Variants in PHF24 observed in about 807,000 individuals in gnomAD.
The protein encoded by PHF24 is PHD finger protein 24, also known as Galpha inhibitory interacting protein.
A neutral mutation model predicts 42.6 loss-of-function variants in PHF24; 25 were observed. The ratio of observed to expected loss-of-function variants is 0.59; its 90% CI spans 0.43 to 0.82. The LOEUF (loss-of-function observed/expected upper bound fraction) is 0.82, where lower values mean the gene tolerates loss of function less well. PHF24 is among the 40% of genes least tolerant of loss of function. The pLI, the probability that PHF24 is intolerant of heterozygous loss-of-function variation, is 0.00. For missense variants in PHF24, 470 were observed against 538.1 expected (o/e 0.87, Z 1.25); for synonymous variants, 185 against 204.8 (o/e 0.90, Z 0.83).
intron 3 of PHF24, among the ~76,000 whole-genome samples, chr9:34,973,711 T>A (rs1827088584): frequency 6.6e-6 from 1 of 152,188 alleles, no homozygotes; most frequent in South Asian, 2.1e-4. Context: ...GAAACACCTG[T>A]CCCCATGGAG....
chr9:34,860,229 T>C, the PHF24 span, among the ~76,000 whole-genome samples: 1 of 152,244 alleles, frequency 6.6e-6, no homozygotes, highest in Non-Finnish European at 1.5e-5. Context: ...GATTGATGTC[T>C]AATATCTTAA....
At chr9:34,831,647 G>T in the PHF24 span, among the ~76,000 whole-genome samples, 1 of 152,172 alleles carries the variant, frequency 6.6e-6, no homozygotes, top group East Asian at 1.9e-4. Flanking sequence ...CTCATGTCCT[G>T]GTCAGGCATG....
the PHF24 span, among the ~76,000 whole-genome samples, chr9:34,874,956 CAATCT>C: frequency 2.0e-5 from 3 of 152,090 alleles, no homozygotes; most frequent in Non-Finnish European, 2.9e-5. Context: ...GGGTTACAAA[CAATCT>C]AATCTAATTA....
the PHF24 span, among the ~76,000 whole-genome samples, chr9:34,913,846 C>G: frequency 6.6e-6 from 1 of 152,098 alleles, no homozygotes; most frequent in Non-Finnish European, 1.5e-5. Context: ...AGTCCAGGGT[C>G]TCTCTGCATT....
chr9:34,965,288 G>A (rs988197301), intron 1 of PHF24, among the ~76,000 whole-genome samples: 12 of 152,176 alleles, frequency 7.9e-5, no homozygotes, highest in African/African-American at 2.2e-4. Context: ...TTTTAGACTC[G>A]CTTTTAAAGC....
the PHF24 span, among the ~76,000 whole-genome samples, chr9:34,849,048 A>G: frequency 3.9e-5 from 6 of 152,250 alleles, no homozygotes; most frequent in South Asian, 1.0e-3. Context: ...GAATAGGTGC[A>G]GTGTGATGCT....
chr9:34,978,367 G>A (rs932671784), exon 8 of PHF24: 5 of 512,008 alleles, frequency 9.8e-6, no homozygotes, highest in African/African-American at 3.8e-5. Context: ...CATCATAGAC[G>A]GGACCTGCCA....
At chr9:34,892,469 C>T in the PHF24 span, among the ~76,000 whole-genome samples, 1 of 152,344 alleles carries the variant, frequency 6.6e-6, no homozygotes, top group East Asian at 1.9e-4. Flanking sequence ...AACTCCTCCA[C>T]AGATCTTGGG....
the PHF24 span, chr9:34,834,973 G>A: frequency 3.4e-6 from 5 of 1,457,196 alleles, no homozygotes; most frequent in South Asian, 6.5e-5. Flanking sequence ...TGGCAACCAG[G>A]GACTCACTGT....
chr9:34,773,416 A>C, the PHF24 span, among the ~76,000 whole-genome samples: 1 of 152,204 alleles, frequency 6.6e-6, no homozygotes, highest in African/African-American at 2.4e-5. Context: ...TGCCAGAAAG[A>C]AACAAGTGCT....
the PHF24 span, among the ~76,000 whole-genome samples, chr9:34,811,576 A>G: frequency 6.6e-6 from 1 of 152,198 alleles, no homozygotes; most frequent in Non-Finnish European, 1.5e-5. Flanking sequence ...GCCTCCAGAG[A>G]TGTAAGATAT....
chr9:34,780,662 C>T, the PHF24 span, among the ~76,000 whole-genome samples: 1 of 152,120 alleles, frequency 6.6e-6, no homozygotes, highest in Admixed American at 6.6e-5. Flanking sequence ...ATAAAAATAA[C>T]ATTTTGTGCA....
the PHF24 span, among the ~76,000 whole-genome samples, chr9:34,740,226 C>T: frequency 2.0e-5 from 3 of 152,236 alleles, no homozygotes; most frequent in Non-Finnish European, 2.9e-5. Context: ...AGTCCCCGGC[C>T]GTGCGCCCGC....
At chr9:34,818,914 G>A in the PHF24 span, among the ~76,000 whole-genome samples, 1 of 152,144 alleles carries the variant, frequency 6.6e-6, no homozygotes, top group Non-Finnish European at 1.5e-5. Context: ...ATAGAATACT[G>A]GTAAGACCAT....
chr9:34,899,049 G>A, the PHF24 span, among the ~76,000 whole-genome samples: 13 of 152,328 alleles, frequency 8.5e-5, no homozygotes, highest in East Asian at 2.5e-3. Context: ...CGACAAGGGT[G>A]CTTGTGTGGA....
the PHF24 span, among the ~76,000 whole-genome samples, chr9:34,872,045 T>C: frequency 1.3e-5 from 2 of 152,284 alleles, no homozygotes; most frequent in South Asian, 4.1e-4. Flanking sequence ...AGTTCTTCCT[T>C]GATATCTTTC....
the PHF24 span, among the ~76,000 whole-genome samples, chr9:34,796,188 TTAACC>T: frequency 6.6e-6 from 1 of 152,118 alleles, no homozygotes; most frequent in Non-Finnish European, 1.5e-5. Flanking sequence ...ACAGTAAAAC[TTAACC>T]TAAACTTCTC....
At chr9:34,680,451 G>A in the PHF24 span, among the ~76,000 whole-genome samples, 1 of 151,814 alleles carries the variant, frequency 6.6e-6, no homozygotes, top group African/African-American at 2.4e-5. Flanking sequence ...CACTTTGGGA[G>A]GCCGAGGCGG....
At chr9:34,680,441 C>T in the PHF24 span, among the ~76,000 whole-genome samples, 1 of 151,676 alleles carries the variant, frequency 6.6e-6, no homozygotes, top group Non-Finnish European at 1.5e-5. Context: ...GTGGTCCCAG[C>T]ACTTTGGGAG....
Sources: allele counts gnomAD v4.1 joint callset (sites outside exome capture counted in the v4.1 genomes callset), GRCh38; gene constraint gnomAD v4.1.1; transcripts MANE v1.5; gene names NCBI Gene and HGNC (gene_info 2026-07-23, HGNC 2026-07-21).